The following FLNC variants were observed in gnomAD, a reference collection of about 807,000 sequenced individuals.
FLNC encodes the protein filamin C.
A neutral mutation model predicts 254.3 loss-of-function variants in FLNC; 91 were observed. The ratio of observed to expected loss-of-function variants is 0.36; its 90% confidence interval spans 0.30 to 0.43. The LOEUF is 0.43. FLNC is among the 20% of genes least tolerant of loss of function. FLNC has a pLI of 1.00. For synonymous variants in FLNC, 1,430 were observed against 1,577.2 expected (o/e 0.91, Z 2.21); for missense variants, 2,853 against 3,802.6 (o/e 0.75, Z 6.57).
chr7:128,836,511 G>A lies in FLNC; in HGVS notation c.602-649G>A, dbSNP rs376521043. ...CCTCCAGCTCTGGCCTAAACCAAGC[G>A]CCCCTTCACCTGCACCGTTCATAGG... is the stretch of plus-strand genomic sequence containing the variant. On this transcript the variant is annotated intron_variant, in intron 2 of 47. Coordinates refer to ENST00000325888, the MANE Select transcript of FLNC (RefSeq NM_001458.5). The surrounding 1 kb of genome is among the most constrained non-coding windows in gnomAD (Gnocchi z 6.0). Among the ~76,000 whole-genome samples the A allele has an allele frequency of 1.3e-5, 2 of 152,282 alleles. No individual in the cohort carries two copies. The highest frequency in any genetic ancestry group is 1.9e-4 in the East Asian group (1 of 5,182).
chr7:128,845,821 G>A (rs1808537353), intron 21 of FLNC, among the ~76,000 whole-genome samples, 169 bp from the exon 22 acceptor site: 1 of 145,678 alleles, frequency 6.9e-6, no homozygotes, highest in Non-Finnish European at 1.5e-5. Flanking sequence ...GATTAGAGGA[G>A]CAGCCTGGGA....
chr7:128,831,095 A>T, intron 1 of FLNC, 106 bp downstream of exon 1: 1 of 1,043,244 alleles, frequency 9.6e-7, no homozygotes, highest in Non-Finnish European at 1.4e-6. Flanking sequence ...GACAGGGCGG[A>T]GGGCACCCCC....
chr7:128,853,431 C>G, intron 37 of FLNC, 38 bp from the exon 38 acceptor site: 3 of 1,611,964 alleles, frequency 1.9e-6, no homozygotes, highest in Non-Finnish European at 1.7e-6. Context: ...CTTGGCCAGC[C>G]TAGGACTGAG....
At position 128,841,266 on chromosome 7, in the gene FLNC, A is replaced by G. The variant is rs536328437; in HGVS notation, c.1910A>G (p.Glu637Gly). Residue 637 changes from glutamate to glycine, a missense_variant, in exon 12 of 48, where the codon GAG becomes GGG. By Grantham distance (98) the Glu-to-Gly change is moderately conservative. Transcript: ENST00000325888. The surrounding 1 kb of genome is among the most constrained non-coding windows in gnomAD (Gnocchi z 4.3). ...CGGTACTGGCCCACGGAGCCTGGGG[A>G]GTACGCTGTGCACGTCATCTGTGAC... ...DVRYWPTEPG[E>G]YAVHVICDDE... 25 of 1,614,014 alleles carry G rather than the reference A, an allele frequency of 1.5e-5. No homozygotes were observed. The East Asian group carries it at 5.6e-4, about 36-fold the overall frequency.
chr7:128,830,623 C>T lies in FLNC; in HGVS notation c.-15C>T. 1.2e-6 allele frequency: 2 copies of T among 1,611,048 alleles called. No individual in the cohort carries two copies. The highest frequency in any genetic ancestry group is 1.1e-5 in the South Asian group (1 of 90,928). ...CGCGGCCCTAGCCCCGGCCGCACCCCCAGCCCGCGCCAGCATGATGAACAA... is the reference window on the plus strand; with the variant it reads ...CGCGGCCCTAGCCCCGGCCGCACCCTCAGCCCGCGCCAGCATGATGAACAA... On this transcript the variant is annotated 5_prime_UTR_variant, in exon 1 of 48. Transcript: ENST00000325888.
Position 128,857,028 on chromosome 7 carries a change from C to A in FLNC, c.7562-90C>A. On this transcript the variant is annotated intron_variant, in intron 45 of 47. Coordinates refer to ENST00000325888, the MANE Select transcript of FLNC (RefSeq NM_001458.5). This position sits in a 1 kb window ranked among gnomAD's most constrained non-coding sequence, Gnocchi z 4.5. ...GGGCCCTGCTTCCTAAGCCAGGAGTCCCCACAGAGGCTGTCCAGGGAGCTG... is the reference window on the plus strand; with the variant it reads ...GGGCCCTGCTTCCTAAGCCAGGAGTACCCACAGAGGCTGTCCAGGGAGCTG... 1.3e-6 allele frequency: 2 copies of A among 1,566,044 alleles called. No individual in the cohort carries two copies. The highest frequency in any genetic ancestry group is 1.8e-6 in the Non-Finnish European group (2 of 1,138,680).
In FLNC at chr7:128,842,136, G is replaced by C. The variant is rs984246505; in HGVS notation, c.2122-95G>C. The stretch of plus-strand genomic sequence containing the variant: ...GTGTGGGGGCGGGAGTGCCAGTGTT[G>C]GGGGTGGGAAAGGAGGCGCTGGGTT... On this transcript the variant is annotated intron_variant, in intron 13 of 47. Coordinates refer to ENST00000325888, the MANE Select transcript of FLNC (RefSeq NM_001458.5). This position sits in a 1 kb window ranked among gnomAD's most constrained non-coding sequence, Gnocchi z 5.4. 37 of 1,308,872 alleles carry C rather than the reference G, an allele frequency of 2.8e-5. No individual in the cohort carries two copies. Among genetic ancestry groups the C allele is most frequent in the Non-Finnish European group, 3.9e-5 (36 of 929,476 alleles). 81.1% of individuals were successfully genotyped at this position (1,308,872 alleles called of 1,614,324 possible).
At chr7:128,837,127 C>T in intron 2 of FLNC, 33 bp from the exon 3 acceptor site, 1 of 1,475,532 alleles carries the variant, frequency 6.8e-7, no homozygotes, top group Non-Finnish European at 9.3e-7. Flanking sequence ...GCTGGCTGCC[C>T]CTCACCATCG....
intron 35 of FLNC, 139 bp from the exon 36 acceptor site, chr7:128,852,452 C>T: frequency 1.1e-6 from 1 of 942,584 alleles, no homozygotes; most frequent in Non-Finnish European, 1.7e-6. Context: ...ACTTTCCAGG[C>T]CTTGGGCCTC....
chr7:128,843,215 T>G lies in FLNC; in HGVS notation c.2551-14T>G. On this transcript the variant is annotated splice_polypyrimidine_tract_variant and intron_variant, in intron 16 of 47. Coordinates refer to ENST00000325888, the MANE Select transcript of FLNC (RefSeq NM_001458.5). Reference sequence around the variant, plus strand: ...TCCCCTCGAGAGCCCTGACTGAGCCTCCTCCACATCCAGGAGATCCCCGCC... The same window carrying G: ...TCCCCTCGAGAGCCCTGACTGAGCCGCCTCCACATCCAGGAGATCCCCGCC... 6.3e-7 allele frequency: 1 copy of G among 1,578,454 alleles called. No homozygotes were observed.
In FLNC at chr7:128,858,681, C is replaced by G; in HGVS notation, c.*158C>G. The G allele has an allele frequency of 1.5e-6, 1 of 649,708 alleles. No individual in the cohort carries two copies. Among genetic ancestry groups the G allele is most frequent in the South Asian group, 1.8e-5 (1 of 55,826 alleles). The allele number at this position is 649,708 out of a possible 1,614,324, so 40.2% of individuals were successfully genotyped here. ...GTGAAGTGAAGGCCCAGCCTCCCCACCCCACCGCGCCCCAGGGGTTGGAGG... is the reference window on the plus strand; with the variant it reads ...GTGAAGTGAAGGCCCAGCCTCCCCAGCCCACCGCGCCCCAGGGGTTGGAGG... On this transcript the variant is annotated 3_prime_UTR_variant, in exon 48 of 48. Transcript: ENST00000325888. The surrounding 1 kb of genome is among the most constrained non-coding windows in gnomAD (Gnocchi z 6.7).
intron 1 of FLNC, among the ~76,000 whole-genome samples, chr7:128,834,321 C>CCCCCTCCG (rs1338939500): frequency 4.1e-5 from 6 of 146,920 alleles, no homozygotes; most frequent in African/African-American, 1.6e-4. Context: ...GCCCCCCCCC[C>CCCCCTCCG]CCAAATCTTG....
chr7:128,850,842 A>G lies in FLNC; in HGVS notation c.5438A>G (p.Asn1813Ser), dbSNP rs776034623. The G allele has an allele frequency of 6.2e-7, 1 of 1,613,706 alleles. No homozygotes were observed. Among genetic ancestry groups the G allele is most frequent in the Non-Finnish European group, 8.5e-7 (1 of 1,179,998 alleles). Residue 1813 changes from asparagine to serine, a missense_variant, in exon 33 of 48, where the codon AAC becomes AGC. This residue lies in a region of FLNC where 258 missense variants were observed against 312.3 expected (regional missense o/e 0.83). Transcript: ENST00000325888. ...CCCTCGGGGAAGACGGCACGGCCCAACATCACCGACAACAAGGACGGCACC... is the reference window on the plus strand; with the variant it reads ...CCCTCGGGGAAGACGGCACGGCCCAGCATCACCGACAACAAGGACGGCACC... ...RMPSGKTARPNITDNKDGTIT... is the reference protein window; with the variant it reads ...RMPSGKTARPSITDNKDGTIT...
In FLNC at chr7:128,836,348, C is replaced by T. The variant is rs1216606087; in HGVS notation, c.601+774C>T. Among the ~76,000 whole-genome samples, 1 of 152,202 alleles carries T rather than the reference C, an allele frequency of 6.6e-6. No individual in the cohort carries two copies. The highest frequency in any genetic ancestry group is 2.4e-5 in the African/African-American group (1 of 41,446). On this transcript the variant is annotated intron_variant, in intron 2 of 47. Transcript: ENST00000325888. The surrounding 1 kb of genome is among the most constrained non-coding windows in gnomAD (Gnocchi z 6.0). ...CAGAGGGTGGGAGGCGGGGGCACAG[C>T]CTCCTGGGAAGCATTCCCAGCTGCT... is the stretch of plus-strand genomic sequence containing the variant.
In FLNC at chr7:128,842,280, G is replaced by A. The variant is rs1554398553; in HGVS notation, c.2171G>A (p.Gly724Asp). ...IDIKVIPNGD[G>D]TFRCSYVPTK... ...ATCAAGGTGATCCCCAACGGCGACGGCACCTTCCGCTGCTCCTACGTGCCC... is the reference window on the plus strand; with the variant it reads ...ATCAAGGTGATCCCCAACGGCGACGACACCTTCCGCTGCTCCTACGTGCCC... Residue 724 changes from glycine to aspartate, a missense_variant, in exon 14 of 48, where the codon GGC becomes GAC. Gly to Asp is a moderately conservative substitution (Grantham distance 94). This residue lies in a region of FLNC where 1,573 missense variants were observed against 1,883.5 expected (regional missense o/e 0.84). Coordinates refer to ENST00000325888, the MANE Select transcript of FLNC (RefSeq NM_001458.5). The surrounding 1 kb of genome is among the most constrained non-coding windows in gnomAD (Gnocchi z 5.4). The A allele has an allele frequency of 6.2e-7, 1 of 1,613,748 alleles. No individual in the cohort carries two copies. Among genetic ancestry groups the A allele is most frequent in the African/African-American group, 1.3e-5 (1 of 75,062 alleles).
At position 128,847,701 on chromosome 7, in the gene FLNC, C is replaced by T. The variant is rs376429779; in HGVS notation, c.4293C>T (p.Ser1431=). The T allele has an allele frequency of 8.1e-5, 131 of 1,613,854 alleles. No homozygotes were observed. Among genetic ancestry groups the T allele is most frequent in the Non-Finnish European group, 1.1e-4 (124 of 1,179,936 alleles). Residue 1431 remains serine, a synonymous_variant, in exon 25 of 48, where the codon AGC becomes AGT. Transcript: ENST00000325888. ...ITFGGRPIPG[S]PFRVPVKDVV... is the part of the protein sequence containing the mutation. ...CTAATGTCCTTCTCCTCACAGGGAGCCCGTTCCGCGTGCCAGTGAAGGATG... is the reference window on the plus strand; with the variant it reads ...CTAATGTCCTTCTCCTCACAGGGAGTCCGTTCCGCGTGCCAGTGAAGGATG...
chr7:128,847,004 T>G (rs1272186372), intron 24 of FLNC, 99 bp downstream of exon 24: 1 of 1,477,106 alleles, frequency 6.8e-7, no homozygotes, highest in Non-Finnish European at 9.4e-7. Context: ...GGTAAGAATG[T>G]TCATAGAGAG....
chr7:128,834,800 G>A (rs1808033252), intron 1 of FLNC, among the ~76,000 whole-genome samples: 1 of 152,130 alleles, frequency 6.6e-6, no homozygotes, highest in Non-Finnish European at 1.5e-5. Flanking sequence ...GGACAAGGAC[G>A]GCAGGAGGGA....
Position 128,856,648 on chromosome 7 carries a change from G to T in FLNC, c.7382G>T (p.Ser2461Ile). ...GAGTGCTACGTCTCTGAGCTGGACA[G>T]TGGTGAGCTGGCCCTGCCCCTGCCA... ...VEECYVSELDSDKHTIRFIPH... is the reference protein window; with the variant it reads ...VEECYVSELDIDKHTIRFIPH... Residue 2461 changes from serine to isoleucine, a missense_variant and splice_region_variant, in exon 44 of 48, where the codon AGT becomes ATT. This residue lies in a region of FLNC where 47 missense variants were observed against 40.3 expected (regional missense o/e 1.17). Coordinates refer to ENST00000325888, the MANE Select transcript of FLNC (RefSeq NM_001458.5). The surrounding 1 kb of genome is among the most constrained non-coding windows in gnomAD (Gnocchi z 5.9). 1 of 1,613,252 alleles carries T rather than the reference G, an allele frequency of 6.2e-7. No homozygotes were observed.
Sources: allele counts gnomAD v4.1 joint callset (sites outside exome capture counted in the v4.1 genomes callset), GRCh38; gene constraint gnomAD v4.1.1; regional missense constraint gnomAD v4.1.1; non-coding constraint Gnocchi (gnomAD v3.1); transcripts MANE v1.5; gene names NCBI Gene and HGNC (gene_info 2026-07-23, HGNC 2026-07-21).